Variants in ABI3BP observed in about 807,000 individuals in gnomAD.
ABI3BP encodes the protein target of Nesh-SH3.
A neutral mutation model predicts 268.6 loss-of-function variants in ABI3BP; 216 were observed. That is an observed-to-expected ratio of 0.80 (90% CI 0.72 to 0.90). The LOEUF (loss-of-function observed/expected upper bound fraction) is 0.90. Ranked by LOEUF, ABI3BP falls within the 40% of genes least tolerant of loss-of-function variation. The pLI, the probability that ABI3BP is intolerant of heterozygous loss-of-function variation, is 0.00. For synonymous variants in ABI3BP, 730 were observed against 730.0 expected, an observed-to-expected ratio of 1.00 and a Z score of 0.00; for missense variants, 2,090 against 2,182.4, an observed-to-expected ratio of 0.96 and a Z score of 0.84.
chr3:100,938,848 C>T (rs2067463839), intron 1 of ABI3BP, among the ~76,000 whole-genome samples: 1 of 152,076 alleles, frequency 6.6e-6, no homozygotes. Context: ...GTCATGGCCC[C>T]TCCTGCAGTG....
intron 1 of ABI3BP, among the ~76,000 whole-genome samples, chr3:100,975,088 A>T (rs1487377945): frequency 6.6e-6 from 1 of 152,192 alleles, no homozygotes; most frequent in Non-Finnish European, 1.5e-5. Context: ...ATTTTAATAT[A>T]TTAATCTGAA....
chr3:100,812,454 G>A lies in ABI3BP; in HGVS notation c.3421+13C>T. 1 of 1,290,616 alleles carries A rather than the reference G, an allele frequency of 7.7e-7. No homozygotes were observed. Among genetic ancestry groups the A allele is most frequent in the South Asian group, 2.7e-5 (1 of 37,420 alleles). 79.9% of individuals were successfully genotyped at this position (1,290,616 alleles called of 1,614,324 possible). A position where few individuals can be genotyped will look rare whatever the true frequency, so the allele number is the denominator to read the frequency against. On this transcript the variant is annotated intron_variant, in intron 46 of 67. Transcript: ENST00000471714. ...GCACATATGCTTGACTTCCCATTGG[G>A]GAACATTTTTACCTATGGTCTCCTT...
rs1364956244 is a variant in ABI3BP, at chr3:100,840,184, A to T, written c.1805-20T>A. 12 of 1,501,500 alleles carry T rather than the reference A, an allele frequency of 8.0e-6. No homozygotes were observed. Among genetic ancestry groups the T allele is most frequent in the Non-Finnish European group, 1.1e-5 (12 of 1,124,034 alleles). 93.0% of individuals were successfully genotyped at this position (1,501,500 alleles called of 1,614,324 possible). The stretch of plus-strand genomic sequence containing the variant: ...GTGGTGCTGAAGAAAGAAAATTAGC[A>T]AGTTAATACAAGAAGGGTGGATTTA... On this transcript the variant is annotated intron_variant, in intron 22 of 67. Coordinates refer to ENST00000471714, the MANE Select transcript of ABI3BP (RefSeq NM_001375547.2).
chr3:100,820,174 T>G, intron 40 of ABI3BP, 46 bp downstream of exon 40: 1 of 1,461,310 alleles, frequency 6.8e-7, no homozygotes, highest in Non-Finnish European at 9.3e-7. Context: ...TATAAATTCC[T>G]GAGAGCAGCT....
chr3:100,838,495 T>G (rs2098639389), intron 24 of ABI3BP, 31 bp from the exon 25 acceptor site: 5 of 1,496,240 alleles, frequency 3.3e-6, no homozygotes, highest in Middle Eastern at 1.7e-4. Context: ...ATTACCACAA[T>G]GGGTCATGGC....
chr3:100,930,348 A>G (rs2063204077), intron 1 of ABI3BP, among the ~76,000 whole-genome samples: 2 of 151,980 alleles, frequency 1.3e-5, no homozygotes, highest in Non-Finnish European at 2.9e-5. Context: ...GGAAAGTAAC[A>G]CTAGTAGGCC....
chr3:100,920,788 T>C (rs1389385149), intron 2 of ABI3BP, among the ~76,000 whole-genome samples: 1 of 152,192 alleles, frequency 6.6e-6, no homozygotes, highest in African/African-American at 2.4e-5. Flanking sequence ...TTCTCTATTT[T>C]ATAAATGAGA....
chr3:100,974,551 A>C (rs1217182210), intron 1 of ABI3BP, among the ~76,000 whole-genome samples: 3 of 152,204 alleles, frequency 2.0e-5, no homozygotes, highest in Non-Finnish European at 4.4e-5. Context: ...AGGCAAAACT[A>C]TAGGGAGAGA....
chr3:100,775,345 A>G lies in ABI3BP; in HGVS notation c.4334-10T>C, dbSNP rs1326622685. The G allele has an allele frequency of 3.6e-5, 57 of 1,596,748 alleles. No individual in the cohort carries two copies. The highest frequency in any genetic ancestry group is 4.9e-5 in the Non-Finnish European group (57 of 1,170,728). On this transcript the variant is annotated splice_polypyrimidine_tract_variant and intron_variant, in intron 59 of 67. Coordinates refer to ENST00000471714, the MANE Select transcript of ABI3BP (RefSeq NM_001375547.2). ...CCTGATGAAATGATTCCTGTAAAGT[A>G]GAGCCAAAGTAGTCAGGCTTTATAG...
At chr3:100,887,484 T>G (rs2042518483) in intron 4 of ABI3BP, among the ~76,000 whole-genome samples, 1 of 152,000 alleles carries the variant, frequency 6.6e-6, no homozygotes, top group Non-Finnish European at 1.5e-5. Flanking sequence ...AGTGAGCAGG[T>G]GATGAGAAAA....
rs114282651 is a variant in ABI3BP at position 100,830,647 on chromosome 3, A to G, written c.2402-13T>C. On this transcript the variant is annotated splice_polypyrimidine_tract_variant and intron_variant, in intron 31 of 67. Transcript: ENST00000471714. ...ATTGTGGCAGGAACTGATCAAAAGT[A>G]ATAAAAGAAACCAAAGAGATTTTGT... 6.5e-3 allele frequency: 9,841 copies of G among 1,521,464 alleles called. 50 individuals carry two copies. The highest frequency in any genetic ancestry group is 7.5e-3 in the Non-Finnish European group (8,479 of 1,137,874). The allele number at this position is 1,521,464 out of a possible 1,614,324, so 94.2% of individuals were successfully genotyped here.
At chr3:100,941,870 A>G (rs2069441066) in intron 1 of ABI3BP, among the ~76,000 whole-genome samples, 1 of 152,142 alleles carries the variant, frequency 6.6e-6, no homozygotes, top group African/African-American at 2.4e-5. Context: ...TCAATTGCAC[A>G]CATTCCCTCA....
At chr3:100,924,841 A>G (rs2061351664) in intron 2 of ABI3BP, among the ~76,000 whole-genome samples, 1 of 152,162 alleles carries the variant, frequency 6.6e-6, no homozygotes, top group African/African-American at 2.4e-5. Flanking sequence ...CTTACAATTG[A>G]CCCAAATTTC....
At chr3:100,939,484 C>T (rs142336680) in intron 1 of ABI3BP, among the ~76,000 whole-genome samples, 8 of 152,002 alleles carry the variant, frequency 5.3e-5, no homozygotes, top group South Asian at 2.1e-4. Flanking sequence ...GCTGGGCATC[C>T]GGGGAAGACA....
Position 100,816,440 on chromosome 3 carries a change from T to C in ABI3BP, c.3229+248A>G, listed in dbSNP as rs2098048496. ...TGCTAATCTCGCTGTAAACACATCT[T>C]TAAAGAGGGACCAAGAACGTCATCC... On this transcript the variant is annotated intron_variant, in intron 43 of 67. Coordinates refer to ENST00000471714, the MANE Select transcript of ABI3BP (RefSeq NM_001375547.2). 4 of 593,180 alleles carry C rather than the reference T, an allele frequency of 6.7e-6. No individual in the cohort carries two copies. In the Admixed American group the frequency reaches 8.4e-5, roughly 12 times the overall value. The allele number at this position is 593,180 out of a possible 1,614,324, so 36.7% of individuals were successfully genotyped here. A position where few individuals can be genotyped will look rare whatever the true frequency, so the allele number is the denominator to read the frequency against.
intron 1 of ABI3BP, among the ~76,000 whole-genome samples, chr3:100,975,340 T>C (rs1044591180): frequency 6.6e-6 from 1 of 152,036 alleles, no homozygotes; most frequent in Non-Finnish European, 1.5e-5. Flanking sequence ...GCGCTTCTAG[T>C]AAGGGAGTCC....
rs965737089 is a variant in ABI3BP at position 100,818,519 on chromosome 3, C to A, written c.3088+6G>T. ...GCACTATTTGAAGGACACACATTCT[C>A]ATTACCCATGGTTTTTGGAGCTTCA... On this transcript the variant is annotated splice_donor_region_variant and intron_variant, in intron 41 of 67. Transcript: ENST00000471714. 8.5e-6 allele frequency: 13 copies of A among 1,533,694 alleles called. No individual in the cohort carries two copies. The highest frequency in any genetic ancestry group is 1.7e-4 in the Middle Eastern group (1 of 5,980).
intron 1 of ABI3BP, among the ~76,000 whole-genome samples, chr3:100,971,854 A>G (rs1390045363): frequency 1.3e-5 from 2 of 152,198 alleles, no homozygotes; most frequent in East Asian, 1.9e-4. Context: ...AGGATCAGGA[A>G]CAAGGTCATT....
intron 49 of ABI3BP, 129 bp downstream of exon 49, chr3:100,810,283 A>G (rs1028732855): frequency 1.2e-4 from 86 of 700,870 alleles, no homozygotes; most frequent in Non-Finnish European, 1.9e-4. Flanking sequence ...AGGACATCAG[A>G]CAGGTAGGAT....
Sources: allele counts gnomAD v4.1 joint callset (sites outside exome capture counted in the v4.1 genomes callset), GRCh38; gene constraint gnomAD v4.1.1; transcripts MANE v1.5; gene names NCBI Gene and HGNC (gene_info 2026-07-23, HGNC 2026-07-21).